UBR3: variants seen among roughly 807,000 people sequenced by gnomAD.
UBR3 encodes the protein ubiquitin protein ligase E3 component n-recognin 3, also known as E3 ubiquitin-protein ligase UBR3.
Under a neutral mutation model 243.2 loss-of-function variants are expected in UBR3, and 85 were observed. The ratio of observed to expected loss-of-function variants is 0.35; its 90% CI spans 0.29 to 0.42. The LOEUF (loss-of-function observed/expected upper bound fraction) is 0.42, where lower values mean the gene tolerates loss of function less well. UBR3 is among the 10% of genes least tolerant of loss of function. UBR3 has a pLI of 1.00. For missense variants in UBR3, 1,686 were observed against 2,300.8 expected (o/e 0.73, Z 5.47); for synonymous variants, 748 against 799.8 (o/e 0.94, Z 1.09).
intron 1 of UBR3, among the ~76,000 whole-genome samples, chr2:169,868,292 A>G (rs923560934): frequency 6.6e-6 from 1 of 152,204 alleles, no homozygotes; most frequent in African/African-American, 2.4e-5. Context: ...AGAGCGTTTC[A>G]TCTGTAAATC....
chr2:169,953,186 G>T (rs2087117311), intron 23 of UBR3, among the ~76,000 whole-genome samples: 1 of 152,050 alleles, frequency 6.6e-6, no homozygotes, highest in Non-Finnish European at 1.5e-5. Flanking sequence ...TTTGTGATAG[G>T]TTTTGTTTTC....
At chr2:169,931,995 A>G (rs2086150749) in intron 18 of UBR3, among the ~76,000 whole-genome samples, 1 of 152,174 alleles carries the variant, frequency 6.6e-6, no homozygotes, top group South Asian at 2.1e-4. Flanking sequence ...ACAAATTATC[A>G]GTTTTAGCAA....
At chr2:169,941,535 A>G (rs1382780760) in intron 19 of UBR3, among the ~76,000 whole-genome samples, 1 of 152,206 alleles carries the variant, frequency 6.6e-6, no homozygotes, top group Non-Finnish European at 1.5e-5. Context: ...ACTAGGTATA[A>G]GGGGGACTAC....
At chr2:169,893,797 A>G (rs565552335) in intron 6 of UBR3, among the ~76,000 whole-genome samples, 1 of 152,200 alleles carries the variant, frequency 6.6e-6, no homozygotes, top group South Asian at 2.1e-4. Context: ...CCTGAGCTCA[A>G]GCCATGTGCC....
At position 170,055,569 on chromosome 2, in the gene UBR3, G is replaced by A. The variant is rs376524106; in HGVS notation, c.4770G>A (p.Ala1590=). ...AAGATAGGTCAGCCTGGAAACACGC[G>A]GGAGCTCTCAAAAAGGTTAGGCTCT... ...SEEDRSAWKH[A]GALKKSTCDA... The change falls in exon 33 of 39, where the codon GCG becomes GCA. Residue 1590 remains alanine, a synonymous_variant. Transcript: ENST00000272793. 8.1e-6 allele frequency: 13 copies of A among 1,613,068 alleles called. No individual in the cohort carries two copies. The highest frequency in any genetic ancestry group is 7.7e-5 in the South Asian group (7 of 91,036).
At chr2:169,974,084 G>A (rs1331702782) in intron 24 of UBR3, among the ~76,000 whole-genome samples, 1 of 151,910 alleles carries the variant, frequency 6.6e-6, no homozygotes, top group Non-Finnish European at 1.5e-5. Context: ...TTTCTAGTAT[G>A]TGTTAAGGAT....
chr2:169,913,920 C>A lies in UBR3; in HGVS notation c.1780-140C>A. The A allele has an allele frequency of 5.8e-6, 2 of 342,428 alleles. 1 individual carries two copies. The highest frequency in any genetic ancestry group is 9.9e-6 in the Non-Finnish European group (2 of 202,212). 21.2% of individuals were successfully genotyped at this position (342,428 alleles called of 1,614,324 possible). ...CTGGTTGTTTATGAAGGGAGAGTTT[C>A]TTGAAATGGCAAATATAATCTTAAA... On this transcript the variant is annotated intron_variant, in intron 10 of 38. Coordinates refer to ENST00000272793, the MANE Select transcript of UBR3 (RefSeq NM_172070.4).
chr2:170,050,528 C>T (rs913438987), intron 32 of UBR3, among the ~76,000 whole-genome samples: 2 of 152,162 alleles, frequency 1.3e-5, no homozygotes, highest in Non-Finnish European at 2.9e-5. Flanking sequence ...TAGTTTGCTT[C>T]TAAGGCATTT....
At position 169,947,733 on chromosome 2, in the gene UBR3, A is replaced by G; in HGVS notation, c.3084+18A>G. On this transcript the variant is annotated intron_variant, in intron 22 of 38. Coordinates refer to ENST00000272793, the MANE Select transcript of UBR3 (RefSeq NM_172070.4). ...CTTTACAAGTAAGTGTAAATGTAAG[A>G]AAGAAAATAAGAAAAAGCTTTATGT... The G allele has an allele frequency of 6.9e-7, 1 of 1,439,630 alleles. No homozygotes were observed. Among genetic ancestry groups the G allele is most frequent in the Non-Finnish European group, 9.1e-7 (1 of 1,094,712 alleles). The allele number at this position is 1,439,630 out of a possible 1,614,324, so 89.2% of individuals were successfully genotyped here.
At chr2:170,050,171 T>G (rs1187867223) in intron 32 of UBR3, among the ~76,000 whole-genome samples, 3 of 152,156 alleles carry the variant, frequency 2.0e-5, no homozygotes, top group Non-Finnish European at 4.4e-5. Context: ...TTTGGATTCT[T>G]CACTCATCAG....
Position 169,859,081 on chromosome 2 carries a change from C to CTTT in UBR3, c.546-13135_546-13133dup, listed in dbSNP as rs575814312. 2.4e-3 allele frequency among the ~76,000 whole-genome samples: 239 copies of CTTT among 99,740 alleles called. 12 individuals are homozygous for CTTT. Among genetic ancestry groups the CTTT allele is most frequent in the African/African-American group, 7.2e-3 (168 of 23,304 alleles). 65.4% of individuals were successfully genotyped at this position (99,740 alleles called of 152,430 possible). A position where few individuals can be genotyped will look rare whatever the true frequency, so the allele number is the denominator to read the frequency against. On this transcript the variant is annotated intron_variant, in intron 1 of 38. Transcript: ENST00000272793. Reference sequence around the variant, plus strand: ...TTAGTTGTCATGTGCCTCACCATGGCTTTTTTTTTTTTTTTTTTTTTTGAG... The same window carrying CTTT: ...TTAGTTGTCATGTGCCTCACCATGGCTTTTTTTTTTTTTTTTTTTTTTTTTGAG...
At chr2:169,856,457 T>C (rs1489774813) in intron 1 of UBR3, among the ~76,000 whole-genome samples, 5 of 152,176 alleles carry the variant, frequency 3.3e-5, no homozygotes, top group Admixed American at 1.3e-4. Flanking sequence ...CTGCAATCTC[T>C]GCACTTTGGG....
chr2:170,033,722 C>T (rs923238158), intron 31 of UBR3, among the ~76,000 whole-genome samples: 1 of 151,160 alleles, frequency 6.6e-6, no homozygotes, highest in Non-Finnish European at 1.5e-5. Flanking sequence ...AGTTCCTCAC[C>T]TCAACACTCT....
intron 1 of UBR3, among the ~76,000 whole-genome samples, chr2:169,863,548 C>T (rs2083158119): frequency 6.6e-6 from 1 of 152,204 alleles, no homozygotes; most frequent in African/African-American, 2.4e-5. Flanking sequence ...AGAAAGTTAT[C>T]TGTGACCTCT....
chr2:170,023,433 G>A (rs893878331), intron 30 of UBR3, among the ~76,000 whole-genome samples: 9 of 150,824 alleles, frequency 6.0e-5, no homozygotes, highest in Non-Finnish European at 1.3e-4. Context: ...TTTTTGAGAC[G>A]GAGTCTCACT....
chr2:169,869,379 G>A (rs2083366628), intron 1 of UBR3, among the ~76,000 whole-genome samples: 1 of 151,840 alleles, frequency 6.6e-6, no homozygotes, highest in South Asian at 2.1e-4. Context: ...GTGCCACCAT[G>A]CCTGGCTAAT....
intron 29 of UBR3, among the ~76,000 whole-genome samples, chr2:170,011,926 C>T (rs959234293): frequency 2.0e-5 from 3 of 151,918 alleles, no homozygotes; most frequent in Non-Finnish European, 4.4e-5. Flanking sequence ...CAATGAATGA[C>T]ATGAATTTCA....
At chr2:170,078,008 C>T in intron 36 of UBR3, 1 of 674,586 alleles carries the variant, frequency 1.5e-6, no homozygotes. Flanking sequence ...AGTACGTTAG[C>T]TTGAGGTTGT....
chr2:169,902,423 A>G (rs1032940502), intron 8 of UBR3, among the ~76,000 whole-genome samples: 2 of 152,186 alleles, frequency 1.3e-5, no homozygotes, highest in African/African-American at 2.4e-5. Flanking sequence ...GCTGGTTTAT[A>G]AGACCCTGTA....
Sources: allele counts gnomAD v4.1 joint callset (sites outside exome capture counted in the v4.1 genomes callset), GRCh38; gene constraint gnomAD v4.1.1; transcripts MANE v1.5; gene names NCBI Gene and HGNC (gene_info 2026-07-23, HGNC 2026-07-21).